DERA: variants seen among roughly 807,000 people sequenced by gnomAD.
The protein encoded by DERA is 2-deoxy-D-ribose 5-phosphate aldolase.
DERA carries 15 observed loss-of-function variants against 41.1 expected under a neutral mutation model. The observed-to-expected ratio is 0.37, with a 90% CI of 0.24 to 0.56. The LOEUF is 0.56. DERA is among the 20% of genes least tolerant of loss of function. The pLI, the probability that DERA is intolerant of heterozygous loss-of-function variation, is 0.81. For synonymous variants in DERA, 139 were observed against 137.4 expected, an observed-to-expected ratio of 1.01 and a Z score of -0.08; for missense variants, 396 against 403.4, an observed-to-expected ratio of 0.98 and a Z score of 0.16.
chr12:15,961,429 CT>C (rs1948586887), intron 4 of DERA, among the ~76,000 whole-genome samples: 1 of 152,114 alleles, frequency 6.6e-6, no homozygotes, highest in South Asian at 2.1e-4. Flanking sequence ...GATCCCAACA[CT>C]TTGGGGGGGC....
chr12:15,997,687 C>G (rs1012740163), intron 6 of DERA, among the ~76,000 whole-genome samples: 5 of 152,068 alleles, frequency 3.3e-5, no homozygotes, highest in African/African-American at 1.2e-4. Context: ...CTAAAAAAAT[C>G]CATAAAATCC....
chr12:15,971,534 G>C (rs1263737638), intron 5 of DERA, among the ~76,000 whole-genome samples: 1 of 58,032 alleles, frequency 1.7e-5, no homozygotes, highest in Non-Finnish European at 3.5e-5. Flanking sequence ...TTTTTTTTTT[G>C]AGATGGAGTT....
intron 6 of DERA, among the ~76,000 whole-genome samples, chr12:16,028,382 A>G (rs184797846): frequency 6.6e-6 from 1 of 152,376 alleles, no homozygotes; most frequent in Non-Finnish European, 1.5e-5. Flanking sequence ...TGTAAAATAA[A>G]TATCTTCAAG....
rs1247716905 is a variant in DERA at position 15,988,149 on chromosome 12, C to A, written c.637+5713C>A. Among the ~76,000 whole-genome samples the A allele has an allele frequency of 6.6e-6, 1 of 152,162 alleles. No homozygotes were observed. The highest frequency in any genetic ancestry group is 1.5e-5 in the Non-Finnish European group (1 of 68,028). ...GTGTTACAGCATGTCACAGGCCTAG[C>A]TGGGGGAGCCCTGAGTTCTGGGCTC... On this transcript the variant is annotated intron_variant, in intron 6 of 8. Transcript: ENST00000428559. This position sits in a 1 kb window ranked among gnomAD's most constrained non-coding sequence, Gnocchi z 6.0.
chr12:15,964,754 T>C (rs1311099198), intron 5 of DERA, among the ~76,000 whole-genome samples: 1 of 152,222 alleles, frequency 6.6e-6, no homozygotes, highest in Non-Finnish European at 1.5e-5. Flanking sequence ...ACTTACACCT[T>C]TTATTAAGCA....
At chr12:15,968,726 G>A (rs750659044) in intron 5 of DERA, among the ~76,000 whole-genome samples, 3 of 152,206 alleles carry the variant, frequency 2.0e-5, no homozygotes, top group Non-Finnish European at 4.4e-5. Context: ...GAAGAAATTA[G>A]ATAATGTATG....
At position 15,992,900 on chromosome 12, in the gene DERA, AG is replaced by A. The variant is rs1341080097; in HGVS notation, c.637+10466del. ...GGAAATAATGCAGGCATGATAAATA[AG>A]GTTGGAGTAGAAAAGCACTAAAGAT... On this transcript the variant is annotated intron_variant, in intron 6 of 8. Transcript: ENST00000428559. This position sits in a 1 kb window ranked among gnomAD's most constrained non-coding sequence, Gnocchi z 4.3. 6.6e-6 allele frequency among the ~76,000 whole-genome samples: 1 copy of A among 152,184 alleles called. No individual in the cohort carries two copies. The highest frequency in any genetic ancestry group is 1.5e-5 in the Non-Finnish European group (1 of 68,014).
intron 1 of DERA, among the ~76,000 whole-genome samples, chr12:15,925,884 A>C (rs1204183086): frequency 7.1e-6 from 1 of 140,384 alleles, no homozygotes; most frequent in African/African-American, 2.8e-5. Context: ...CTGGAGTACA[A>C]TGGCACGATC....
chr12:16,022,935 T>C (rs758227663), intron 6 of DERA, among the ~76,000 whole-genome samples: 3 of 152,108 alleles, frequency 2.0e-5, no homozygotes, highest in Non-Finnish European at 2.9e-5. Flanking sequence ...AAGGAGAAGA[T>C]AATCATTGTG....
chr12:15,973,280 A>G (rs866124141), intron 5 of DERA, among the ~76,000 whole-genome samples: 6 of 152,148 alleles, frequency 3.9e-5, no homozygotes, highest in Admixed American at 6.5e-5. Context: ...ACCTCATTAT[A>G]AGTCAAAACA....
rs1948654055 is a variant in DERA, at chr12:15,970,735, A to G, written c.508+7788A>G. On this transcript the variant is annotated intron_variant, in intron 5 of 8. Coordinates refer to ENST00000428559, the MANE Select transcript of DERA (RefSeq NM_015954.4). The surrounding 1 kb of genome is among the most constrained non-coding windows in gnomAD (Gnocchi z 4.3). ...TTCAAGATGTACACATGTACTTGGT[A>G]TATCTGTAGACCTGATTCTTTCCAT... Among the ~76,000 whole-genome samples the G allele has an allele frequency of 6.6e-6, 1 of 152,142 alleles. No homozygotes were observed. The highest frequency in any genetic ancestry group is 3.2e-3 in the Middle Eastern group (1 of 316).
At chr12:15,920,951 C>T (rs1005855827) in intron 1 of DERA, among the ~76,000 whole-genome samples, 2 of 152,202 alleles carry the variant, frequency 1.3e-5, no homozygotes, top group Non-Finnish European at 2.9e-5. Flanking sequence ...ACTGCAGGGG[C>T]AGAACCATGC....
At chr12:15,962,726 T>C (rs946701535) in intron 4 of DERA, 87 bp from the exon 5 acceptor site, 16 of 1,172,948 alleles carry the variant, frequency 1.4e-5, no homozygotes, top group South Asian at 4.7e-5. Flanking sequence ...TACTGACCAA[T>C]TGAAATTTGT....
In DERA at chr12:15,995,129, C is replaced by G. The variant is rs1245769873; in HGVS notation, c.637+12693C>G. 7.2e-5 allele frequency among the ~76,000 whole-genome samples: 11 copies of G among 152,190 alleles called. No homozygotes were observed. The highest frequency in any genetic ancestry group is 1.6e-4 in the Non-Finnish European group (11 of 68,044). On this transcript the variant is annotated intron_variant, in intron 6 of 8. Transcript: ENST00000428559. This position sits in a 1 kb window ranked among gnomAD's most constrained non-coding sequence, Gnocchi z 5.1. Reference sequence around the variant, plus strand: ...CTGTATATCAGATAATATTTATAAGCTGTGTTTAACTTTTGGAGGCACAGA... The same window carrying G: ...CTGTATATCAGATAATATTTATAAGGTGTGTTTAACTTTTGGAGGCACAGA...
rs989045730 is a variant in DERA, at chr12:16,011,611, T to C, written c.638-20931T>C. On this transcript the variant is annotated intron_variant, in intron 6 of 8. Coordinates refer to ENST00000428559, the MANE Select transcript of DERA (RefSeq NM_015954.4). The surrounding 1 kb of genome is among the most constrained non-coding windows in gnomAD (Gnocchi z 4.7). The stretch of plus-strand genomic sequence containing the variant: ...AGAGAATGTGTTAGATACGATTTTG[T>C]CATTTTAACATGAGATGACTTTAAA... Among the ~76,000 whole-genome samples the C allele has an allele frequency of 3.9e-5, 6 of 152,204 alleles. No homozygotes were observed. Among genetic ancestry groups the C allele is most frequent in the African/African-American group, 1.4e-4 (6 of 41,450 alleles).
chr12:15,989,550 A>G lies in DERA; in HGVS notation c.637+7114A>G, dbSNP rs1324331502. Among the ~76,000 whole-genome samples, 4 of 152,130 alleles carry G rather than the reference A, an allele frequency of 2.6e-5. No individual in the cohort carries two copies. Among genetic ancestry groups the G allele is most frequent in the African/African-American group, 9.7e-5 (4 of 41,412 alleles). On this transcript the variant is annotated intron_variant, in intron 6 of 8. Coordinates refer to ENST00000428559, the MANE Select transcript of DERA (RefSeq NM_015954.4). This position sits in a 1 kb window ranked among gnomAD's most constrained non-coding sequence, Gnocchi z 5.2. The stretch of plus-strand genomic sequence containing the variant: ...CAGCTGGGTTATTTCAAGGGTCTGT[A>G]TTTTGAGCTTTTAATTTTTTAGTGC...
At position 15,924,388 on chromosome 12, in the gene DERA, C is replaced by G. The variant is rs898189916; in HGVS notation, c.31+12974C>G. 1.3e-5 allele frequency among the ~76,000 whole-genome samples: 2 copies of G among 152,018 alleles called. No homozygotes were observed. The highest frequency in any genetic ancestry group is 1.3e-4 in the Admixed American group (2 of 15,252). ...TGTAGCCTGGGTGACAGAGCAATAC[C>G]CTGTTTCTAAAATTAAAATGTATAT... On this transcript the variant is annotated intron_variant, in intron 1 of 8. Transcript: ENST00000428559. This position sits in a 1 kb window ranked among gnomAD's most constrained non-coding sequence, Gnocchi z 5.0.
At chr12:15,923,226 T>G (rs890502003) in intron 1 of DERA, among the ~76,000 whole-genome samples, 23 of 151,298 alleles carry the variant, frequency 1.5e-4, no homozygotes, top group Non-Finnish European at 1.3e-4. Flanking sequence ...GTTTCACCGT[T>G]TTAGCCGGGA....
In DERA at chr12:15,998,592, C is replaced by T. The variant is rs563266660; in HGVS notation, c.637+16156C>T. On this transcript the variant is annotated intron_variant, in intron 6 of 8. Coordinates refer to ENST00000428559, the MANE Select transcript of DERA (RefSeq NM_015954.4). This position sits in a 1 kb window ranked among gnomAD's most constrained non-coding sequence, Gnocchi z 4.8. ...TCAGCCTCCCAATGTGCTGGAATTA[C>T]AGGTGTGAGCCACCACGCCTGGCCT... is the stretch of plus-strand genomic sequence containing the variant. Among the ~76,000 whole-genome samples, 114 of 152,280 alleles carry T rather than the reference C, an allele frequency of 7.5e-4. 4 individuals carry two copies. The South Asian group carries it at 0.011, about 14-fold the overall frequency.
Sources: gnomAD v4.1 joint callset for allele counts (sites outside exome capture counted in the v4.1 genomes callset) on GRCh38, gnomAD v4.1.1 for gene constraint, Gnocchi (gnomAD v3.1) non-coding constraint, MANE v1.5 for transcripts, NCBI Gene and HGNC (gene_info 2026-07-23, HGNC 2026-07-21) for gene names.